CTNND2: variants seen among roughly 807,000 people sequenced by gnomAD.
CTNND2 encodes catenin delta 2.
Under a neutral mutation model 144.4 loss-of-function variants are expected in CTNND2, and 22 were observed. The ratio of observed to expected loss-of-function variants is 0.15; its 90% CI spans 0.11 to 0.22. CTNND2 has a LOEUF of 0.22. Among genes scored for constraint, CTNND2 ranks in the 10% least tolerant of loss-of-function variants. The pLI is 1.00. For synonymous variants in CTNND2, 751 were observed against 695.6 expected (o/e 1.08, Z -1.25); for missense variants, 1,353 against 1,618.8 (o/e 0.84, Z 2.82).
At chr5:11,254,798 C>T (rs1744061540) in intron 9 of CTNND2, among the ~76,000 whole-genome samples, 1 of 152,172 alleles carries the variant, frequency 6.6e-6, no homozygotes, top group South Asian at 2.1e-4. Context: ...CCTCCCTTCC[C>T]AACTAAGAAT....
rs541117141 is a variant in CTNND2 at position 11,474,407 on chromosome 5, A to G, written c.288-62338T>C. On this transcript the variant is annotated intron_variant, in intron 3 of 21. Coordinates refer to ENST00000304623, the MANE Select transcript of CTNND2 (RefSeq NM_001332.4). ...GTAATAGAAAAATAATGTTTTTGTT[A>G]TAACAGTAAGAATCAAGGTTTAAAA... Among the ~76,000 whole-genome samples, 7 of 152,334 alleles carry G rather than the reference A, an allele frequency of 4.6e-5. No individual in the cohort carries two copies. The South Asian group carries it at 1.0e-3, about 23-fold the overall frequency.
At chr5:11,579,362 A>T (rs558261478) in intron 2 of CTNND2, among the ~76,000 whole-genome samples, 1 of 152,302 alleles carries the variant, frequency 6.6e-6, no homozygotes, top group Admixed American at 6.5e-5. Flanking sequence ...TCACCCGTCT[A>T]CATTGCTCCA....
At chr5:11,721,509 C>T (rs962136312) in intron 2 of CTNND2, among the ~76,000 whole-genome samples, 5 of 152,152 alleles carry the variant, frequency 3.3e-5, no homozygotes, top group East Asian at 1.9e-4. Context: ...TAACAAACCA[C>T]CTCAAGATTT....
At chr5:11,070,241 T>C (rs1363396806) in intron 16 of CTNND2, among the ~76,000 whole-genome samples, 1 of 151,982 alleles carries the variant, frequency 6.6e-6, no homozygotes, top group Non-Finnish European at 1.5e-5. Flanking sequence ...ATGAAAAAAA[T>C]TGGTTAAATT....
intron 12 of CTNND2, among the ~76,000 whole-genome samples, chr5:11,143,242 G>A (rs1315159334): frequency 2.6e-5 from 4 of 152,130 alleles, no homozygotes; most frequent in African/African-American, 9.7e-5. Flanking sequence ...AACTCTCCAT[G>A]ACTTCCCCTA....
chr5:11,862,945 C>T (rs1795569989), intron 1 of CTNND2, among the ~76,000 whole-genome samples: 2 of 152,090 alleles, frequency 1.3e-5, no homozygotes, highest in East Asian at 1.9e-4. Flanking sequence ...AAAATTCGGG[C>T]TAACATGAAA....
rs773883317 is a variant in CTNND2, at chr5:10,988,076, C to T, written c.3343+35G>A. The T allele has an allele frequency of 2.7e-5, 43 of 1,612,754 alleles. No individual in the cohort carries two copies. The Middle Eastern group carries it at 5.0e-4, about 19-fold the overall frequency. ...TCTGCCTTGTCGCGGGTCAAGCCACCAAGTTCCAGGAGGGGGCGCGCGAGG... is the reference window on the plus strand; with the variant it reads ...TCTGCCTTGTCGCGGGTCAAGCCACTAAGTTCCAGGAGGGGGCGCGCGAGG... On this transcript the variant is annotated intron_variant, in intron 20 of 21. Coordinates refer to ENST00000304623, the MANE Select transcript of CTNND2 (RefSeq NM_001332.4). The surrounding 1 kb of genome is among the most constrained non-coding windows in gnomAD (Gnocchi z 5.9).
intron 2 of CTNND2, among the ~76,000 whole-genome samples, chr5:11,666,076 G>A (rs974566810): frequency 1.3e-5 from 2 of 152,140 alleles, no homozygotes; most frequent in African/African-American, 2.4e-5. Context: ...CAGAATGATA[G>A]CCAAGAAGGA....
At chr5:11,851,692 G>C (rs767663444) in intron 1 of CTNND2, among the ~76,000 whole-genome samples, 1 of 152,174 alleles carries the variant, frequency 6.6e-6, no homozygotes, top group African/African-American at 2.4e-5. Flanking sequence ...GAGTTTGCTT[G>C]GCCTGTGTGC....
intron 3 of CTNND2, among the ~76,000 whole-genome samples, chr5:11,526,805 G>A (rs1414446883): frequency 6.6e-6 from 1 of 152,118 alleles, no homozygotes; most frequent in Non-Finnish European, 1.5e-5. Context: ...CTGTACACCA[G>A]TTTTCACTGC....
intron 8 of CTNND2, among the ~76,000 whole-genome samples, chr5:11,362,078 T>G (rs933319957): frequency 6.6e-6 from 1 of 152,188 alleles, no homozygotes; most frequent in Non-Finnish European, 1.5e-5. Flanking sequence ...GAACCTGTCC[T>G]CTTCTTTCAA....
chr5:11,418,502 T>A (rs981024779), intron 3 of CTNND2, among the ~76,000 whole-genome samples: 1 of 152,184 alleles, frequency 6.6e-6, no homozygotes, highest in Non-Finnish European at 1.5e-5. Flanking sequence ...AGAATAAATA[T>A]CAAATTTACA....
intron 9 of CTNND2, among the ~76,000 whole-genome samples, chr5:11,249,382 G>C (rs1387316974): frequency 6.6e-6 from 1 of 152,210 alleles, no homozygotes; most frequent in Non-Finnish European, 1.5e-5. Flanking sequence ...TGAATAGACT[G>C]ACAAAATTTG....
At chr5:10,998,041 T>A (rs35726239) in intron 18 of CTNND2, among the ~76,000 whole-genome samples, 28,225 of 152,188 alleles carry the variant, frequency 0.19, 3,050 homozygotes, top group Admixed American at 0.29. Flanking sequence ...TTTAAGTATT[T>A]ACATTTCTGG....
intron 11 of CTNND2, among the ~76,000 whole-genome samples, chr5:11,160,232 A>C (rs1271488859): frequency 6.6e-6 from 1 of 152,236 alleles, no homozygotes; most frequent in Admixed American, 6.5e-5. Flanking sequence ...TAGGACCCTT[A>C]TGAGAATCCA....
chr5:11,097,603 A>C (rs984052644), intron 15 of CTNND2, among the ~76,000 whole-genome samples: 10 of 152,196 alleles, frequency 6.6e-5, no homozygotes, highest in African/African-American at 2.4e-4. Flanking sequence ...AATGACAAGA[A>C]GGCAGACATC....
chr5:11,335,001 G>A (rs898535438), intron 9 of CTNND2, among the ~76,000 whole-genome samples: 2 of 152,188 alleles, frequency 1.3e-5, no homozygotes, highest in African/African-American at 4.8e-5. Flanking sequence ...AGTATAGCCT[G>A]CTGAATTTCC....
intron 2 of CTNND2, among the ~76,000 whole-genome samples, chr5:11,729,838 C>T (rs1787235052): frequency 6.6e-6 from 1 of 152,120 alleles, no homozygotes; most frequent in Non-Finnish European, 1.5e-5. Flanking sequence ...TTAACTCTTA[C>T]CTAGCATACA....
At chr5:11,322,584 G>T (rs1342118590) in intron 9 of CTNND2, among the ~76,000 whole-genome samples, 2 of 152,052 alleles carry the variant, frequency 1.3e-5, no homozygotes, top group Non-Finnish European at 2.9e-5. Context: ...TTATGAAATT[G>T]TTCTATAATA....
Sources: gnomAD v4.1 joint callset for allele counts (sites outside exome capture counted in the v4.1 genomes callset) on GRCh38, gnomAD v4.1.1 for gene constraint, Gnocchi (gnomAD v3.1) non-coding constraint, MANE v1.5 for transcripts, NCBI Gene and HGNC (gene_info 2026-07-23, HGNC 2026-07-21) for gene names.